Variants in KHK observed in about 807,000 individuals in gnomAD.
KHK encodes fructokinase.
In KHK, 37 loss-of-function variants were observed where a neutral mutation model predicts 36.0. That is an observed-to-expected ratio of 1.03 (90% CI 0.79 to 1.35). The LOEUF is 1.35. Ranked by LOEUF, KHK falls within the 40% of genes most tolerant of loss-of-function variation. KHK has a pLI of 0.00. For synonymous variants in KHK, 161 were observed against 162.8 expected (o/e 0.99, Z 0.08); for missense variants, 395 against 391.9 (o/e 1.01, Z -0.07).
chr2:27,089,414 A>G (rs1669852523), intron 1 of KHK, among the ~76,000 whole-genome samples: 1 of 152,154 alleles, frequency 6.6e-6, no homozygotes, highest in South Asian at 2.1e-4. Context: ...AACAGTGCAA[A>G]TTCCAGGGCC....
intron 1 of KHK, among the ~76,000 whole-genome samples, chr2:27,090,290 A>G (rs1265182711): frequency 6.6e-6 from 1 of 152,218 alleles, no homozygotes; most frequent in African/African-American, 2.4e-5. Flanking sequence ...GTAATTAGCA[A>G]TGGCTTTGGG....
Position 27,100,566 on chromosome 2 carries a change from T to G in KHK, c.*816T>G. 1 of 1,287,124 alleles carries G rather than the reference T, an allele frequency of 7.8e-7. No individual in the cohort carries two copies. The highest frequency in any genetic ancestry group is 1.2e-5 in the South Asian group (1 of 80,900). 79.7% of individuals were successfully genotyped at this position (1,287,124 alleles called of 1,614,324 possible). ...GCCTTATAATGTAAAGAGCATATAA[T>G]GTAAAGGGCTTTAGAGTGAGACAGA... On this transcript the variant is annotated 3_prime_UTR_variant, in exon 8 of 8. Coordinates refer to ENST00000260598, the MANE Select transcript of KHK (RefSeq NM_006488.3).
chr2:27,097,474 C>T (rs760301135), intron 4 of KHK, 29 bp from the exon 5 acceptor site: 7 of 1,612,160 alleles, frequency 4.3e-6, no homozygotes, highest in South Asian at 2.2e-5. Flanking sequence ...CAGTGCCCAG[C>T]GGTCCTGAGC....
At position 27,100,526 on chromosome 2, in the gene KHK, T is replaced by C. The variant is rs769571556; in HGVS notation, c.*776T>C. 3.7e-5 allele frequency: 48 copies of C among 1,290,748 alleles called. No individual in the cohort carries two copies. The African/African-American group carries it at 6.2e-4, about 17-fold the overall frequency. 80.0% of individuals were successfully genotyped at this position (1,290,748 alleles called of 1,614,324 possible). ...ATATTGGAATTGGGGCCAACTCCAATATAGGGTGGGTAAGGCCTTATAATG... is the reference window on the plus strand; with the variant it reads ...ATATTGGAATTGGGGCCAACTCCAACATAGGGTGGGTAAGGCCTTATAATG... On this transcript the variant is annotated 3_prime_UTR_variant, in exon 8 of 8. Transcript: ENST00000260598.
intron 2 of KHK, chr2:27,094,360 C>T (rs1054857542): frequency 5.0e-6 from 6 of 1,210,928 alleles, no homozygotes; most frequent in African/African-American, 1.5e-5. Context: ...AGTTCTCTCC[C>T]AGCCCCCTTT....
chr2:27,097,919 A>G (rs199560690), intron 5 of KHK, among the ~76,000 whole-genome samples: 1 of 152,144 alleles, frequency 6.6e-6, no homozygotes, highest in Non-Finnish European at 1.5e-5. Flanking sequence ...TAGGGCTTAA[A>G]CAGCCACAGG....
At chr2:27,090,377 T>A (rs957362899) in intron 1 of KHK, among the ~76,000 whole-genome samples, 3 of 152,204 alleles carry the variant, frequency 2.0e-5, no homozygotes, top group African/African-American at 7.2e-5. Flanking sequence ...TCCTCCTTTT[T>A]TTTCATATCT....
intron 2 of KHK, 85 bp from the exon 3 acceptor site, chr2:27,094,714 TC>T: frequency 6.2e-7 from 1 of 1,612,934 alleles, no homozygotes; most frequent in Non-Finnish European, 8.5e-7. Flanking sequence ...CAGCACCCTC[TC>T]CCCACTCCTT....
intron 2 of KHK, among the ~76,000 whole-genome samples, chr2:27,093,581 C>T (rs950833255): frequency 6.6e-6 from 1 of 152,214 alleles, no homozygotes; most frequent in Non-Finnish European, 1.5e-5. Flanking sequence ...AGTTGTAAGT[C>T]AAGGGATGAT....
chr2:27,093,510 G>A (rs774966325), intron 2 of KHK, among the ~76,000 whole-genome samples: 3 of 152,184 alleles, frequency 2.0e-5, no homozygotes, highest in Non-Finnish European at 4.4e-5. Context: ...ACTGGGGTGC[G>A]AAAGTTATTT....
intron 2 of KHK, chr2:27,094,212 A>C (rs1463904627): frequency 1.7e-5 from 9 of 533,018 alleles, no homozygotes; most frequent in Non-Finnish European, 2.7e-5. Flanking sequence ...GTTGGACTGA[A>C]AAACAGAGTC....
intron 1 of KHK, among the ~76,000 whole-genome samples, chr2:27,090,452 C>CTTTTTT (rs559420015): frequency 9.2e-4 from 101 of 110,086 alleles, no homozygotes; most frequent in Non-Finnish European, 1.2e-3. Flanking sequence ...TTTTTTCTTT[C>CTTTTTT]TTTTTTTTTT....
In KHK at chr2:27,087,222, C is replaced by G. The variant is rs773753106; in HGVS notation, c.-38C>G. On this transcript the variant is annotated 5_prime_UTR_variant, in exon 1 of 8. Coordinates refer to ENST00000260598, the MANE Select transcript of KHK (RefSeq NM_006488.3). ...AAGAGGCAGAGGCCGGGAGGAACCCCGTCAGCCGGGCGGGCAGGAAGCTCT... is the reference window on the plus strand; with the variant it reads ...AAGAGGCAGAGGCCGGGAGGAACCCGGTCAGCCGGGCGGGCAGGAAGCTCT... The G allele has an allele frequency of 2.2e-5, 33 of 1,530,900 alleles. No homozygotes were observed. Among genetic ancestry groups the G allele is most frequent in the Non-Finnish European group, 1.6e-5 (18 of 1,126,054 alleles). The allele number at this position is 1,530,900 out of a possible 1,614,324, so 94.8% of individuals were successfully genotyped here. A position where few individuals can be genotyped will look rare whatever the true frequency, so the allele number is the denominator to read the frequency against.
intron 3 of KHK, 68 bp from the exon 4 acceptor site, chr2:27,096,661 T>TA (rs897407090): frequency 6.6e-5 from 84 of 1,270,032 alleles, no homozygotes; most frequent in Non-Finnish European, 7.4e-5. Flanking sequence ...AGCTGCCAGT[T>TA]AGAGATCCTG....
intron 1 of KHK, among the ~76,000 whole-genome samples, chr2:27,090,409 G>C (rs1358313580): frequency 6.7e-6 from 1 of 149,322 alleles, no homozygotes; most frequent in Admixed American, 6.7e-5. Context: ...TTTCTGTAAA[G>C]CTGTAAAGCT....
intron 3 of KHK, among the ~76,000 whole-genome samples, chr2:27,095,396 G>A (rs903386451): frequency 1.3e-5 from 2 of 152,202 alleles, no homozygotes; most frequent in African/African-American, 4.8e-5. Context: ...AAGGAGCTGG[G>A]GTTTGGGTGT....
intron 2 of KHK, 149 bp from the exon 3 acceptor site, chr2:27,094,651 G>GCCA: frequency 6.2e-7 from 1 of 1,613,746 alleles, no homozygotes; most frequent in Non-Finnish European, 8.5e-7. Context: ...TGCTGCCGCC[G>GCCA]CCACCAAAAC....
In KHK at chr2:27,094,692, G is replaced by C. The variant is rs1572867583; in HGVS notation, c.210-108G>C. ...GAACAGGACTCTTCTTCTCTTAGAG[G>C]CTCGTGTGCTCCAGCACCCTCTCCC... On this transcript the variant is annotated intron_variant, in intron 2 of 7. Transcript: ENST00000260598. The C allele has an allele frequency of 6.2e-6, 10 of 1,612,778 alleles. No individual in the cohort carries two copies. In the East Asian group the frequency reaches 2.2e-4, roughly 36 times the overall value.
chr2:27,095,821 T>C (rs1239291416), intron 3 of KHK, among the ~76,000 whole-genome samples: 1 of 152,226 alleles, frequency 6.6e-6, no homozygotes, highest in East Asian at 1.9e-4. Context: ...GGCAGGCATA[T>C]GTGCTACAGG....
Sources: allele counts gnomAD v4.1 joint callset (sites outside exome capture counted in the v4.1 genomes callset), GRCh38; gene constraint gnomAD v4.1.1; transcripts MANE v1.5; gene names NCBI Gene and HGNC (gene_info 2026-07-23, HGNC 2026-07-21).